Variants in MAP3K9 observed in about 807,000 individuals in gnomAD.
MAP3K9 encodes mitogen-activated protein kinase kinase kinase 9, also known as mixed lineage kinase 1 (tyr and ser/thr specificity).
A neutral mutation model predicts 95.8 loss-of-function variants in MAP3K9; 46 were observed. The observed-to-expected ratio is 0.48, with a 90% CI of 0.38 to 0.61. The LOEUF is 0.61. Among genes scored for constraint, MAP3K9 ranks in the 20% least tolerant of loss-of-function variants. MAP3K9 has a pLI of 0.00. For synonymous variants in MAP3K9, 533 were observed against 593.8 expected (o/e 0.90, Z 1.49); for missense variants, 1,296 against 1,474.3 (o/e 0.88, Z 1.98).
At chr14:70,763,739 C>T (rs1416111700) in intron 2 of MAP3K9, among the ~76,000 whole-genome samples, 1 of 151,978 alleles carries the variant, frequency 6.6e-6, no homozygotes, top group African/African-American at 2.4e-5. Flanking sequence ...ACTTCATTGT[C>T]CAGGCTGGTC....
chr14:70,749,048 A>G (rs555466417), intron 4 of MAP3K9, 44 bp from the exon 5 acceptor site: 5 of 1,580,490 alleles, frequency 3.2e-6, no homozygotes, highest in South Asian at 1.2e-5. Context: ...AATGGACAGA[A>G]GCAAACATGT....
In MAP3K9 at chr14:70,730,133, C is replaced by A; in HGVS notation, c.*247G>T. The A allele has an allele frequency of 1.9e-6, 1 of 523,688 alleles. No homozygotes were observed. Among genetic ancestry groups the A allele is most frequent in the South Asian group, 2.6e-5 (1 of 38,250 alleles). 32.4% of individuals were successfully genotyped at this position (523,688 alleles called of 1,614,324 possible). A position where few individuals can be genotyped will look rare whatever the true frequency, so the allele number is the denominator to read the frequency against. On this transcript the variant is annotated 3_prime_UTR_variant, in exon 12 of 12. Coordinates refer to ENST00000554752, the MANE Select transcript of MAP3K9 (RefSeq NM_001284230.2). ...TGGAGGGTGGGGGACATGCATGCAC[C>A]CCTTCCTCCCCTACACAGCCAGAGC...
chr14:70,770,307 T>C (rs977977083), intron 2 of MAP3K9, among the ~76,000 whole-genome samples: 19 of 151,852 alleles, frequency 1.3e-4, no homozygotes, highest in African/African-American at 4.6e-4. Context: ...CGGCCTCCCA[T>C]GTAGCTGGGA....
At chr14:70,770,680 C>A (rs1228372086) in intron 2 of MAP3K9, among the ~76,000 whole-genome samples, 1 of 152,152 alleles carries the variant, frequency 6.6e-6, no homozygotes, top group African/African-American at 2.4e-5. Flanking sequence ...GTCAGTCCTC[C>A]AGTTAAATCA....
At chr14:70,764,485 C>T (rs1436641870) in intron 2 of MAP3K9, among the ~76,000 whole-genome samples, 1 of 151,820 alleles carries the variant, frequency 6.6e-6, no homozygotes, top group Non-Finnish European at 1.5e-5. Flanking sequence ...TCTTCTGGAA[C>T]CTATGCCATG....
rs2053833190 is a variant in MAP3K9, at chr14:70,727,400, T to G, written c.*2980A>C. ...TCCAAGAAGCAGGGGCAGAGAGCAG[T>G]ATCTGTTCCTATTACCATCTTCCAT... On this transcript the variant is annotated 3_prime_UTR_variant, in exon 12 of 12. Coordinates refer to ENST00000554752, the MANE Select transcript of MAP3K9 (RefSeq NM_001284230.2). 1 of 152,222 alleles carries G rather than the reference T, an allele frequency of 6.6e-6. No homozygotes were observed. 9.4% of individuals were successfully genotyped at this position (152,222 alleles called of 1,614,324 possible).
intron 2 of MAP3K9, among the ~76,000 whole-genome samples, chr14:70,767,736 T>C (rs765291535): frequency 1.1e-4 from 17 of 152,232 alleles, no homozygotes; most frequent in Non-Finnish European, 2.2e-4. Context: ...TTGCCCAGAA[T>C]GGAGTGCAGT....
At chr14:70,765,634 T>C in intron 2 of MAP3K9, 1 of 393,790 alleles carries the variant, frequency 2.5e-6, no homozygotes, top group Non-Finnish European at 4.5e-6. Context: ...GTTTGTAGCC[T>C]GGAAACAGCA....
In MAP3K9 at chr14:70,787,928, TG is replaced by T. The variant is rs1030187264; in HGVS notation, c.820+12738del. 1.1e-4 allele frequency among the ~76,000 whole-genome samples: 16 copies of T among 151,992 alleles called. No individual in the cohort carries two copies. In the East Asian group the frequency reaches 2.7e-3, roughly 26 times the overall value. On this transcript the variant is annotated intron_variant, in intron 2 of 11. Transcript: ENST00000554752. ...GGGATGATGTGAGGGGAGACAGAGA[TG>T]GGGGGAGCAAGGGAAGACGAAGGGA...
intron 5 of MAP3K9, among the ~76,000 whole-genome samples, chr14:70,743,507 T>A (rs1424806025): frequency 6.7e-6 from 1 of 149,830 alleles, no homozygotes; most frequent in African/African-American, 2.5e-5. Flanking sequence ...TAAACAAATT[T>A]ACAAGAAAAA....
intron 1 of MAP3K9, among the ~76,000 whole-genome samples, chr14:70,803,375 T>G (rs1594816488): frequency 8.8e-6 from 1 of 113,554 alleles, no homozygotes; most frequent in Non-Finnish European, 1.8e-5. Flanking sequence ...GAACTGGAAC[T>G]AGACCTTCTG....
At chr14:70,798,490 T>TTTTTTTG (rs2054891112) in intron 2 of MAP3K9, among the ~76,000 whole-genome samples, 1 of 138,282 alleles carries the variant, frequency 7.2e-6, no homozygotes, top group Non-Finnish European at 1.6e-5. Flanking sequence ...TTTTTTTTTT[T>TTTTTTTG]TTTTTTGAGA....
At chr14:70,808,561 G>A (rs2055020384) in intron 1 of MAP3K9, among the ~76,000 whole-genome samples, 1 of 152,106 alleles carries the variant, frequency 6.6e-6, no homozygotes, top group Non-Finnish European at 1.5e-5. Flanking sequence ...CCAAGCGTCT[G>A]AAGTGCGGGC....
chr14:70,804,089 C>A (rs1029658328), intron 1 of MAP3K9, among the ~76,000 whole-genome samples: 2 of 152,166 alleles, frequency 1.3e-5, no homozygotes, highest in Non-Finnish European at 2.9e-5. Flanking sequence ...GCTGCAGACA[C>A]AACAGGGTGT....
chr14:70,752,719 G>A (rs924611639), intron 3 of MAP3K9, among the ~76,000 whole-genome samples: 8 of 152,264 alleles, frequency 5.3e-5, no homozygotes, highest in Middle Eastern at 6.8e-3. Flanking sequence ...CGGTATCTGG[G>A]CCCTAACTAC....
chr14:70,730,737 G>C lies in MAP3K9; in HGVS notation c.2958C>G (p.Pro986=). ...GCCGAGGCAGAAACTCCAGAGTCTT[G>C]GGTCTCTCCAAGGTAGAGTCCTGCT... The part of the protein sequence containing the change: ...NTQQDSTLER[P]KTLEFLPRPR... The change falls in exon 12 of 12, where the codon CCC becomes CCG. Residue 986 remains proline (P), a synonymous_variant. Transcript: ENST00000554752. 1 of 1,613,848 alleles carries C rather than the reference G, an allele frequency of 6.2e-7. No individual in the cohort carries two copies. Among genetic ancestry groups the C allele is most frequent in the Non-Finnish European group, 8.5e-7 (1 of 1,180,002 alleles).
rs1220314099 is a variant in MAP3K9 at position 70,760,150 on chromosome 14, C to CACACAG, written c.1001+851_1001+852insCTGTGT. Among the ~76,000 whole-genome samples the CACACAG allele has an allele frequency of 2.0e-4, 14 of 69,492 alleles. No individual in the cohort carries two copies. In the East Asian group the frequency reaches 3.0e-3, roughly 15 times the overall value. 45.6% of individuals were successfully genotyped at this position (69,492 alleles called of 152,430 possible). ...TATTTAAAATAAACGTGCACACACA[C>CACACAG]ACACACACACACACACACACACATA... On this transcript the variant is annotated intron_variant, in intron 3 of 11. Coordinates refer to ENST00000554752, the MANE Select transcript of MAP3K9 (RefSeq NM_001284230.2).
chr14:70,788,669 G>A (rs190034896), intron 2 of MAP3K9, among the ~76,000 whole-genome samples: 190 of 152,320 alleles, frequency 1.2e-3, no homozygotes, highest in African/African-American at 4.5e-3. Flanking sequence ...TGTCTATGCG[G>A]GAAGGAGGTA....
In MAP3K9 at chr14:70,748,037, G is replaced by GA. The variant is rs2054172628; in HGVS notation, c.1326+791_1326+792insT. 2.0e-5 allele frequency among the ~76,000 whole-genome samples: 3 copies of GA among 148,146 alleles called. No individual in the cohort carries two copies. The South Asian group carries it at 6.5e-4, about 32-fold the overall frequency. ...GCAGGAGAATGGCGTGAACCCAGAG[G>GA]CAGAGCCTGCAGTGAGCTGAGATCG... is the stretch of plus-strand genomic sequence containing the variant. On this transcript the variant is annotated intron_variant, in intron 5 of 11. Coordinates refer to ENST00000554752, the MANE Select transcript of MAP3K9 (RefSeq NM_001284230.2).
Sources: allele counts gnomAD v4.1 joint callset (sites outside exome capture counted in the v4.1 genomes callset), GRCh38; gene constraint gnomAD v4.1.1; transcripts MANE v1.5; gene names NCBI Gene and HGNC (gene_info 2026-07-23, HGNC 2026-07-21).